The following TENM2 variants were observed in gnomAD, a reference collection of about 807,000 sequenced individuals.
TENM2 encodes teneurin transmembrane protein 2, also known as teneurin-2.
Under a neutral mutation model 245.2 loss-of-function variants are expected in TENM2, and 52 were observed. The ratio of observed to expected loss-of-function variants is 0.21; its 90% CI spans 0.17 to 0.27. The LOEUF is 0.27. Among genes scored for constraint, TENM2 ranks in the 10% least tolerant of loss-of-function variants. The pLI is 1.00. For synonymous variants in TENM2, 1,363 were observed against 1,438.9 expected, an observed-to-expected ratio of 0.95 and a Z score of 1.19; for missense variants, 3,046 against 3,666.8, an observed-to-expected ratio of 0.83 and a Z score of 4.37.
At chr5:167,164,370 T>A in the TENM2 span, among the ~76,000 whole-genome samples, 68 of 152,336 alleles carry the variant, frequency 4.5e-4, no homozygotes, top group East Asian at 0.012. Context: ...ACTATAGATG[T>A]CAAGACATGC....
chr5:167,163,546 A>T, the TENM2 span, among the ~76,000 whole-genome samples: 36 of 147,136 alleles, frequency 2.4e-4, 1 homozygote, highest in South Asian at 6.8e-3. Context: ...GACTTTGTTT[A>T]TGAATTATCT....
intron 27 of TENM2, among the ~76,000 whole-genome samples, chr5:168,255,560 C>A (rs1195209106): frequency 6.6e-6 from 1 of 150,712 alleles, no homozygotes; most frequent in African/African-American, 2.4e-5. Context: ...CCCACCTCAG[C>A]CTCCCAAGTG....
chr5:167,210,060 CA>C, the TENM2 span, among the ~76,000 whole-genome samples: 2 of 152,264 alleles, frequency 1.3e-5, no homozygotes, highest in South Asian at 4.1e-4. Flanking sequence ...AAATAGAATT[CA>C]GGGCTAATTT....
the TENM2 span, among the ~76,000 whole-genome samples, chr5:167,201,221 A>G: frequency 6.6e-6 from 1 of 152,226 alleles, no homozygotes; most frequent in Non-Finnish European, 1.5e-5. Context: ...CGTAGCCGAC[A>G]AAGTTAATGG....
chr5:167,620,536 C>T (rs974566612), intron 2 of TENM2, among the ~76,000 whole-genome samples: 4 of 72,308 alleles, frequency 5.5e-5, no homozygotes, highest in African/African-American at 1.6e-4. Context: ...TTGGCTAAAA[C>T]TTTGCTTTTT....
chr5:168,262,369 T>C (rs1478703515), exon 29 of TENM2: 3 of 1,602,818 alleles, frequency 1.9e-6, no homozygotes, highest in Non-Finnish European at 2.6e-6. Flanking sequence ...GCTCAGCCGA[T>C]GGCGACCTGG....
chr5:167,335,607 CT>C (rs563268080), intron 1 of TENM2, among the ~76,000 whole-genome samples: 91 of 146,810 alleles, frequency 6.2e-4, no homozygotes, highest in East Asian at 2.6e-3. Flanking sequence ...TGAGACTCAT[CT>C]TTTTTTTTTT....
the TENM2 span, among the ~76,000 whole-genome samples, chr5:167,116,149 C>T: frequency 1.3e-3 from 194 of 152,108 alleles, no homozygotes; most frequent in Admixed American, 3.5e-3. Context: ...AGATTTATTG[C>T]GGGAAAGGAC....
chr5:167,766,340 G>C (rs1214802378), intron 2 of TENM2, among the ~76,000 whole-genome samples: 1 of 152,122 alleles, frequency 6.6e-6, no homozygotes, highest in East Asian at 1.9e-4. Flanking sequence ...GGACACAGTG[G>C]GATGATACAG....
chr5:168,116,553 C>A (rs550603178), intron 9 of TENM2, among the ~76,000 whole-genome samples: 1 of 152,178 alleles, frequency 6.6e-6, no homozygotes, highest in Non-Finnish European at 1.5e-5. Context: ...CGCAACCCCC[C>A]ACCACTGGGA....
chr5:167,640,859 CCATAT>C (rs1779522962), intron 2 of TENM2, among the ~76,000 whole-genome samples: 3 of 9,180 alleles, frequency 3.3e-4, no homozygotes, highest in Non-Finnish European at 4.3e-4. Context: ...ATATATATAT[CCATAT>C]ATATATATAT....
At chr5:167,906,996 G>A (rs538253498) in intron 3 of TENM2, among the ~76,000 whole-genome samples, 67 of 152,298 alleles carry the variant, frequency 4.4e-4, no homozygotes, top group African/African-American at 1.6e-3. Flanking sequence ...ACTTTGGGAG[G>A]CTGAGGCAGG....
intron 2 of TENM2, among the ~76,000 whole-genome samples, chr5:167,663,182 G>GAGAGAGAA (rs1554097413): frequency 9.4e-5 from 13 of 137,592 alleles, no homozygotes; most frequent in African/African-American, 2.9e-4. Context: ...GAGAGAGAGA[G>GAGAGAGAA]AGAGAAAGAG....
intron 3 of TENM2, among the ~76,000 whole-genome samples, chr5:167,921,366 G>A (rs548629170): frequency 2.3e-4 from 35 of 152,276 alleles, no homozygotes; most frequent in African/African-American, 3.6e-4. Context: ...CTGATCTTCC[G>A]TTGGCCTCAT....
chr5:167,080,303 G>A, the TENM2 span, among the ~76,000 whole-genome samples: 5 of 151,656 alleles, frequency 3.3e-5, no homozygotes, highest in Admixed American at 2.0e-4. Flanking sequence ...TGTTGGTGAC[G>A]GTGTGGTATG....
At chr5:167,071,016 G>A in the TENM2 span, among the ~76,000 whole-genome samples, 5 of 152,066 alleles carry the variant, frequency 3.3e-5, no homozygotes, top group African/African-American at 1.2e-4. Context: ...CCGTACTACA[G>A]GTTCCTCTGC....
At chr5:167,923,641 C>T (rs530750622) in intron 3 of TENM2, among the ~76,000 whole-genome samples, 1 of 152,048 alleles carries the variant, frequency 6.6e-6, no homozygotes, top group Non-Finnish European at 1.5e-5. Flanking sequence ...CATGTATTAG[C>T]TCATTGATTT....
chr5:167,028,533 T>C, the TENM2 span, among the ~76,000 whole-genome samples: 10 of 152,258 alleles, frequency 6.6e-5, no homozygotes, highest in Admixed American at 6.5e-4. Context: ...ATATATTTGG[T>C]TAATATTTCT....
chr5:168,073,647 A>G (rs182571087), intron 7 of TENM2, among the ~76,000 whole-genome samples: 19 of 152,334 alleles, frequency 1.2e-4, no homozygotes, highest in Middle Eastern at 3.4e-3. Context: ...CTAGGAACAC[A>G]TGTTACATAA....
Sources: gnomAD v4.1 joint callset for allele counts (sites outside exome capture counted in the v4.1 genomes callset) on GRCh38, gnomAD v4.1.1 for gene constraint, MANE v1.5 for transcripts, NCBI Gene and HGNC (gene_info 2026-07-23, HGNC 2026-07-21) for gene names.